Variants in SLC35F4 observed in about 807,000 individuals in gnomAD.
The protein encoded by SLC35F4 is solute carrier family 35 member F4.
In SLC35F4, 24 loss-of-function variants were observed where a neutral mutation model predicts 44.2. The observed-to-expected ratio is 0.54, with a 90% CI of 0.39 to 0.76. SLC35F4 has a LOEUF of 0.76. Ranked by LOEUF, SLC35F4 falls within the 30% of genes least tolerant of loss-of-function variation. The pLI, the probability that SLC35F4 is intolerant of heterozygous loss-of-function variation, is 0.00. For missense variants in SLC35F4, 562 were observed against 586.1 expected, an observed-to-expected ratio of 0.96 and a Z score of 0.42; for synonymous variants, 238 against 223.6, an observed-to-expected ratio of 1.06 and a Z score of -0.57.
At chr14:57,758,908 C>A (rs2077058594) in intron 1 of SLC35F4, among the ~76,000 whole-genome samples, 4 of 152,156 alleles carry the variant, frequency 2.6e-5, no homozygotes, top group African/African-American at 9.7e-5. Context: ...TCCGCCCAAC[C>A]CTTGGAAACC....
At position 57,875,543 on chromosome 14, in the gene SLC35F4, C is replaced by G. The variant is rs1684082498; in HGVS notation, n.282+106370G>C. 2.6e-5 allele frequency among the ~76,000 whole-genome samples: 4 copies of G among 152,290 alleles called. No homozygotes were observed. In the South Asian group the frequency reaches 8.3e-4, roughly 32 times the overall value. On this transcript the variant is annotated intron_variant and non_coding_transcript_variant, in intron 1 of 1. Transcript: ENST00000556568. ...ATGCATTTGTGGTCAGCAGGTAGAT[C>G]AGCTGGGGACTGAATAGGATAGGCT...
rs768456067 is a variant in SLC35F4 at position 57,569,989 on chromosome 14, A to C, written c.934-9T>G. On this transcript the variant is annotated splice_polypyrimidine_tract_variant and intron_variant, in intron 5 of 7. Transcript: ENST00000556826. ...AACATTTTAAACAAGACCTGGAATG[A>C]GAAAGAAACTCTACAGCCACACAGA... 2 of 1,588,364 alleles carry C rather than the reference A, an allele frequency of 1.3e-6. No homozygotes were observed. Among genetic ancestry groups the C allele is most frequent in the Non-Finnish European group, 1.7e-6 (2 of 1,170,222 alleles).
At chr14:57,769,769 G>A (rs1273666477) in intron 1 of SLC35F4, among the ~76,000 whole-genome samples, 1 of 152,152 alleles carries the variant, frequency 6.6e-6, no homozygotes, top group Non-Finnish European at 1.5e-5. Context: ...GGTGCTTAGG[G>A]ATTCTGTAAC....
intron 1 of SLC35F4, among the ~76,000 whole-genome samples, chr14:57,836,559 G>A (rs1239276211): frequency 1.3e-5 from 2 of 152,156 alleles, no homozygotes; most frequent in Non-Finnish European, 2.9e-5. Flanking sequence ...CCAAAGTGCT[G>A]GGATTACAGG....
At chr14:57,710,740 T>C (rs2075798042) in intron 1 of SLC35F4, among the ~76,000 whole-genome samples, 1 of 152,142 alleles carries the variant, frequency 6.6e-6, no homozygotes, top group Non-Finnish European at 1.5e-5. Flanking sequence ...TATTGAATTT[T>C]GGACTCACAT....
At chr14:57,628,540 A>G (rs2072593061) in intron 1 of SLC35F4, among the ~76,000 whole-genome samples, 1 of 144,836 alleles carries the variant, frequency 6.9e-6, no homozygotes, top group Non-Finnish European at 1.5e-5. Flanking sequence ...GAGTGAAAAC[A>G]TGAGGTGTTT....
chr14:57,852,426 A>G (rs1180402635), intron 1 of SLC35F4, among the ~76,000 whole-genome samples: 2 of 152,156 alleles, frequency 1.3e-5, no homozygotes, highest in Non-Finnish European at 2.9e-5. Flanking sequence ...CTGCGTTCAG[A>G]GTTTTATAGT....
intron 1 of SLC35F4, among the ~76,000 whole-genome samples, chr14:57,607,765 G>A (rs1277749258): frequency 2.0e-5 from 3 of 152,218 alleles, no homozygotes; most frequent in Admixed American, 6.5e-5. Flanking sequence ...GACTTGTTAA[G>A]AGAAAACTGG....
intron 1 of SLC35F4, among the ~76,000 whole-genome samples, chr14:57,704,373 T>C (rs1033232274): frequency 6.6e-6 from 1 of 152,190 alleles, no homozygotes; most frequent in Admixed American, 6.5e-5. Flanking sequence ...TCTCCATTTA[T>C]ATAGTAAGTG....
intron 1 of SLC35F4, among the ~76,000 whole-genome samples, chr14:57,766,159 C>T (rs2140653055): frequency 6.6e-6 from 1 of 152,270 alleles, no homozygotes; most frequent in East Asian, 1.9e-4. Context: ...GAAATCCATC[C>T]TACTCACTAC....
At chr14:57,749,675 C>T (rs1399363708) in intron 1 of SLC35F4, among the ~76,000 whole-genome samples, 1 of 152,168 alleles carries the variant, frequency 6.6e-6, no homozygotes, top group East Asian at 1.9e-4. Flanking sequence ...CTGCCCAAGC[C>T]CTATAGAGCC....
intron 1 of SLC35F4, among the ~76,000 whole-genome samples, chr14:57,861,109 G>C (rs1029599587): frequency 6.6e-6 from 1 of 152,036 alleles, no homozygotes. Flanking sequence ...CAACCTGAGC[G>C]CACTTCCCCA....
At chr14:57,905,393 G>A (rs1332590839) in intron 1 of SLC35F4, among the ~76,000 whole-genome samples, 2 of 152,180 alleles carry the variant, frequency 1.3e-5, no homozygotes, top group African/African-American at 4.8e-5. Context: ...ATTTCTATCA[G>A]TCATAAAGGT....
At chr14:57,684,625 T>C (rs970409767) in intron 1 of SLC35F4, among the ~76,000 whole-genome samples, 50 of 152,040 alleles carry the variant, frequency 3.3e-4, no homozygotes, top group African/African-American at 1.1e-3. Context: ...AGCCAGGAGG[T>C]TGGGGAGCCT....
intron 1 of SLC35F4, among the ~76,000 whole-genome samples, chr14:57,620,525 G>A (rs1181681580): frequency 6.6e-6 from 1 of 152,076 alleles, no homozygotes; most frequent in Non-Finnish European, 1.5e-5. Flanking sequence ...TGCCTTACAA[G>A]AGCTCCTGAA....
intron 1 of SLC35F4, among the ~76,000 whole-genome samples, chr14:57,613,516 G>C (rs2071630873): frequency 6.6e-6 from 1 of 152,124 alleles, no homozygotes; most frequent in African/African-American, 2.4e-5. Flanking sequence ...CCAACGATAG[G>C]CTTTTCAGTT....
intron 1 of SLC35F4, among the ~76,000 whole-genome samples, chr14:57,609,604 G>A (rs1293496081): frequency 6.6e-6 from 1 of 152,230 alleles, no homozygotes; most frequent in Non-Finnish European, 1.5e-5. Context: ...GTTGCTGACA[G>A]TTGAGCATAG....
At chr14:57,566,310 T>C (rs1202014084) in intron 7 of SLC35F4, among the ~76,000 whole-genome samples, 165 bp downstream of exon 7, 1 of 152,226 alleles carries the variant, frequency 6.6e-6, no homozygotes, top group African/African-American at 2.4e-5. Context: ...TTAAATCTGC[T>C]GCATAGTTAC....
intron 1 of SLC35F4, among the ~76,000 whole-genome samples, chr14:57,862,544 C>G (rs893476491): frequency 2.0e-5 from 3 of 152,222 alleles, no homozygotes; most frequent in African/African-American, 7.2e-5. Flanking sequence ...ATTGTTCACT[C>G]CACTTCAGCC....
Sources: allele counts gnomAD v4.1 joint callset (sites outside exome capture counted in the v4.1 genomes callset), GRCh38; gene constraint gnomAD v4.1.1; transcripts MANE v1.5; gene names NCBI Gene and HGNC (gene_info 2026-07-23, HGNC 2026-07-21).